Variants in CLYBL observed in about 807,000 individuals in gnomAD.
CLYBL encodes citramalyl-CoA lyase, mitochondrial.
CLYBL carries 31 observed loss-of-function variants against 38.9 expected under a neutral mutation model. The observed-to-expected ratio is 0.80, with a 90% confidence interval of 0.60 to 1.08. The LOEUF (loss-of-function observed/expected upper bound fraction) is 1.08. Ranked by LOEUF, CLYBL falls within the 50% of genes least tolerant of loss-of-function variation. CLYBL has a pLI of 0.00. For synonymous variants in CLYBL, 171 were observed against 158.6 expected, an observed-to-expected ratio of 1.08 and a Z score of -0.59; for missense variants, 434 against 411.6, an observed-to-expected ratio of 1.05 and a Z score of -0.47.
At chr13:99,614,463 T>G (rs1359436416) in intron 1 of CLYBL, among the ~76,000 whole-genome samples, 1 of 151,876 alleles carries the variant, frequency 6.6e-6, no homozygotes, top group Admixed American at 6.6e-5. Flanking sequence ...TTGTGGGAAA[T>G]CAGATTTCCC....
rs553718054 is a variant in CLYBL at position 99,719,955 on chromosome 13, T to G, written c.63-52869T>G. Among the ~76,000 whole-genome samples, 7 of 152,290 alleles carry G rather than the reference T, an allele frequency of 4.6e-5. No individual in the cohort carries two copies. In the East Asian group the frequency reaches 1.3e-3, roughly 29 times the overall value. ...TAATCTTGGTCTTTTAGCAGGGATATTTAATCTGTTCACATTTGTTGTGAT... is the reference window on the plus strand; with the variant it reads ...TAATCTTGGTCTTTTAGCAGGGATAGTTAATCTGTTCACATTTGTTGTGAT... On this transcript the variant is annotated intron_variant, in intron 1 of 8. Coordinates refer to ENST00000339105, the MANE Select transcript of CLYBL (RefSeq NM_206808.5).
chr13:99,655,632 C>A (rs1465151001), intron 1 of CLYBL, among the ~76,000 whole-genome samples: 1 of 152,222 alleles, frequency 6.6e-6, no homozygotes, highest in African/African-American at 2.4e-5. Flanking sequence ...GTGGCTTGAT[C>A]TGCCATGAAG....
intron 1 of CLYBL, among the ~76,000 whole-genome samples, chr13:99,612,582 T>G (rs2046643284): frequency 6.6e-6 from 1 of 151,980 alleles, no homozygotes; most frequent in South Asian, 2.1e-4. Flanking sequence ...GAGACGGGGT[T>G]TCGCCATGTT....
rs148390647 is a variant in CLYBL at position 99,890,694 on chromosome 13, C to G, written c.928-624C>G. Among the ~76,000 whole-genome samples the G allele has an allele frequency of 2.8e-3, 432 of 152,250 alleles. 3 individuals carry two copies. The highest frequency in any genetic ancestry group is 9.4e-3 in the African/African-American group (391 of 41,536). ...TGTTGGCCAGGCTGGTCTTGAACTCCTGACTTCAGGTGATCCGCCCGCCCC... is the reference window on the plus strand; with the variant it reads ...TGTTGGCCAGGCTGGTCTTGAACTCGTGACTTCAGGTGATCCGCCCGCCCC... On this transcript the variant is annotated intron_variant, in intron 7 of 8. Transcript: ENST00000339105.
At chr13:99,700,520 T>C (rs2048049091) in intron 1 of CLYBL, among the ~76,000 whole-genome samples, 1 of 152,206 alleles carries the variant, frequency 6.6e-6, no homozygotes, top group Admixed American at 6.5e-5. Flanking sequence ...GGTTGGACAC[T>C]GGACCCACGA....
chr13:99,908,504 C>T lies in CLYBL; in HGVS notation c.*610C>T, dbSNP rs117043369. The stretch of plus-strand genomic sequence containing the variant: ...GGAAGCCTGATCATTCTTCCATCAG[C>T]TCTGCACCAAAAAGCTTTTCCTGAG... On this transcript the variant is annotated 3_prime_UTR_variant and NMD_transcript_variant, in exon 10 of 10. Transcript: ENST00000689673. Among the ~76,000 whole-genome samples, 64 of 152,364 alleles carry T rather than the reference C, an allele frequency of 4.2e-4. No homozygotes were observed. In the East Asian group the frequency reaches 0.01, roughly 25 times the overall value.
intron 1 of CLYBL, among the ~76,000 whole-genome samples, chr13:99,651,506 G>T (rs533088047): frequency 2.6e-5 from 4 of 152,122 alleles, no homozygotes; most frequent in Non-Finnish European, 4.4e-5. Flanking sequence ...GGAGACGGAG[G>T]TTGTAGTGAG....
At chr13:99,803,498 C>G (rs1481088140) in intron 2 of CLYBL, among the ~76,000 whole-genome samples, 1 of 152,238 alleles carries the variant, frequency 6.6e-6, no homozygotes, top group Non-Finnish European at 1.5e-5. Flanking sequence ...TGAAAAGGAA[C>G]TGCAGTGGAA....
intron 7 of CLYBL, among the ~76,000 whole-genome samples, chr13:99,880,291 C>T (rs999222632): frequency 6.6e-6 from 1 of 151,940 alleles, no homozygotes; most frequent in Non-Finnish European, 1.5e-5. Flanking sequence ...TCTCGAACTC[C>T]TGACCTCAAG....
chr13:99,735,277 T>C (rs1357468657), intron 1 of CLYBL, among the ~76,000 whole-genome samples: 1 of 152,212 alleles, frequency 6.6e-6, no homozygotes, highest in East Asian at 1.9e-4. Flanking sequence ...CACTGCAGAC[T>C]CAAACTCCTG....
chr13:99,614,124 T>A (rs2793759), intron 1 of CLYBL, among the ~76,000 whole-genome samples: 46,606 of 151,734 alleles, frequency 0.31, 8,492 homozygotes, highest in Non-Finnish European at 0.41. Context: ...TTGGAGGGGA[T>A]GAGTGCAGGG....
chr13:99,742,062 C>T (rs953904459), intron 1 of CLYBL, among the ~76,000 whole-genome samples: 3 of 152,164 alleles, frequency 2.0e-5, no homozygotes, highest in Non-Finnish European at 2.9e-5. Flanking sequence ...TTTGAATGTT[C>T]ACTTGCAATG....
At chr13:99,868,707 A>G (rs1343914519) in intron 6 of CLYBL, among the ~76,000 whole-genome samples, 1 of 152,204 alleles carries the variant, frequency 6.6e-6, no homozygotes, top group African/African-American at 2.4e-5. Flanking sequence ...GGCTGTATAA[A>G]TGGCCATTAA....
intron 1 of CLYBL, among the ~76,000 whole-genome samples, chr13:99,736,259 G>A (rs1334319216): frequency 2.7e-5 from 4 of 150,018 alleles, no homozygotes; most frequent in African/African-American, 7.4e-5. Flanking sequence ...TGGCCAGGGT[G>A]GTCTCAAACT....
chr13:99,894,606 CTG>C (rs2052549075), downstream of CLYBL: 1 of 151,792 alleles, frequency 6.6e-6, no homozygotes, highest in Non-Finnish European at 1.5e-5. Flanking sequence ...GCAAGACTGA[CTG>C]TATGTATGCA....
At chr13:99,871,707 G>C (rs1175934683) in intron 7 of CLYBL, among the ~76,000 whole-genome samples, 1 of 152,144 alleles carries the variant, frequency 6.6e-6, no homozygotes, top group Admixed American at 6.5e-5. Context: ...TCTCCACTTT[G>C]TGCCAGTAAC....
intron 2 of CLYBL, among the ~76,000 whole-genome samples, chr13:99,836,715 C>G (rs774689418): frequency 2.0e-5 from 3 of 152,146 alleles, no homozygotes; most frequent in African/African-American, 4.8e-5. Context: ...CCACTTAAAT[C>G]ATTAAATTCT....
chr13:99,792,706 G>A (rs2049942845), intron 2 of CLYBL, among the ~76,000 whole-genome samples: 1 of 151,982 alleles, frequency 6.6e-6, no homozygotes, highest in Non-Finnish European at 1.5e-5. Context: ...CTGTAGAGAA[G>A]GGAGTGCAGC....
chr13:99,669,760 A>G (rs2047537429), intron 1 of CLYBL, among the ~76,000 whole-genome samples: 1 of 152,234 alleles, frequency 6.6e-6, no homozygotes, highest in South Asian at 2.1e-4. Flanking sequence ...TCTCATGATT[A>G]GTGACAGGGT....
Sources: gnomAD v4.1 joint callset for allele counts (sites outside exome capture counted in the v4.1 genomes callset) on GRCh38, gnomAD v4.1.1 for gene constraint, MANE v1.5 for transcripts, NCBI Gene and HGNC (gene_info 2026-07-23, HGNC 2026-07-21) for gene names.